Variants in SIPA1L1 observed in about 807,000 individuals in gnomAD.
The protein encoded by SIPA1L1 is signal induced proliferation associated 1 like 1.
In SIPA1L1, 26 loss-of-function variants were observed where a neutral mutation model predicts 162.7. That is an observed-to-expected ratio of 0.16 (90% CI 0.12 to 0.22). The LOEUF (loss-of-function observed/expected upper bound fraction) is 0.22, where lower values mean the gene tolerates loss of function less well. Ranked by LOEUF, SIPA1L1 falls within the 10% of genes least tolerant of loss-of-function variation. SIPA1L1 has a pLI of 1.00. For synonymous variants in SIPA1L1, 829 were observed against 837.4 expected (o/e 0.99, Z 0.17); for missense variants, 1,874 against 2,241.0 (o/e 0.84, Z 3.31).
chr14:71,730,390 G>C, intron 20 of SIPA1L1, 89 bp downstream of exon 20: 1 of 1,463,904 alleles, frequency 6.8e-7, no homozygotes, highest in East Asian at 2.3e-5. Flanking sequence ...GCTCAGAGAG[G>C]GGTCCTGTAT....
chr14:71,622,226 A>T (rs1458794267), intron 6 of SIPA1L1, among the ~76,000 whole-genome samples: 1 of 152,254 alleles, frequency 6.6e-6, no homozygotes, highest in Non-Finnish European at 1.5e-5. Context: ...ATAAATAAAC[A>T]TTGCAAAACA....
At chr14:71,357,640 C>T (rs2037401268) in intron 2 of SIPA1L1, among the ~76,000 whole-genome samples, 1 of 152,184 alleles carries the variant, frequency 6.6e-6, no homozygotes, top group African/African-American at 2.4e-5. Context: ...CCGCTCACTG[C>T]AATCTCTGCT....
intron 2 of SIPA1L1, among the ~76,000 whole-genome samples, chr14:71,417,876 T>C (rs1595359290): frequency 6.6e-6 from 1 of 152,218 alleles, no homozygotes; most frequent in African/African-American, 2.4e-5. Context: ...TCTTTGGCTG[T>C]GACTAGTTTG....
At chr14:71,607,403 C>T (rs2037654108) in intron 5 of SIPA1L1, among the ~76,000 whole-genome samples, 1 of 151,910 alleles carries the variant, frequency 6.6e-6, no homozygotes, top group Non-Finnish European at 1.5e-5. Flanking sequence ...ATTACTCTGG[C>T]CAGGGGGCAG....
In SIPA1L1 at chr14:71,588,614, A is replaced by G. The variant is rs770995187; in HGVS notation, c.742A>G (p.Ile248Val). The G allele has an allele frequency of 8.7e-6, 14 of 1,614,024 alleles. No homozygotes were observed. The highest frequency in any genetic ancestry group is 1.2e-5 in the Non-Finnish European group (14 of 1,179,946). ...PTPTKLSDFL[I>V]TGGGKGSGFS... ...TCCAACCAAGCTCAGTGACTTTCTC[A>G]TTACTGGTGGTGGCAAGGGTTCTGG... The change falls in exon 5 of 24, where the codon ATT becomes GTT. Residue 248 changes from isoleucine (I) to valine (V), a missense_variant. By Grantham distance (29) the Ile-to-Val change is conservative. Coordinates refer to ENST00000381232, the MANE Select transcript of SIPA1L1 (RefSeq NM_001386936.1). The surrounding 1 kb of genome is among the most constrained non-coding windows in gnomAD (Gnocchi z 4.3).
chr14:71,602,028 G>A (rs749386312), intron 5 of SIPA1L1, among the ~76,000 whole-genome samples: 1 of 150,500 alleles, frequency 6.6e-6, no homozygotes, highest in Non-Finnish European at 1.5e-5. Flanking sequence ...TTATTTTGTA[G>A]ATTTTTTTCT....
chr14:71,712,912 A>G (rs889766514), intron 17 of SIPA1L1, among the ~76,000 whole-genome samples: 21 of 152,076 alleles, frequency 1.4e-4, no homozygotes, highest in African/African-American at 4.3e-4. Context: ...GCCAATTACT[A>G]CCCACTTATG....
chr14:71,393,947 A>T (rs2040974900), intron 2 of SIPA1L1, among the ~76,000 whole-genome samples: 2 of 152,240 alleles, frequency 1.3e-5, no homozygotes, highest in Non-Finnish European at 2.9e-5. Flanking sequence ...TGTCTACTAG[A>T]AAGTCACTTG....
chr14:71,410,881 A>G (rs538909069), intron 2 of SIPA1L1, among the ~76,000 whole-genome samples: 2 of 152,294 alleles, frequency 1.3e-5, no homozygotes, highest in Admixed American at 1.3e-4. Context: ...ACAGAAAACC[A>G]TAGGTTAAAT....
intron 2 of SIPA1L1, among the ~76,000 whole-genome samples, chr14:71,480,390 G>A (rs2048255113): frequency 6.8e-6 from 1 of 147,544 alleles, no homozygotes; most frequent in South Asian, 2.2e-4. Flanking sequence ...TGCCCGGCCA[G>A]ACTAGTGTTT....
intron 4 of SIPA1L1, among the ~76,000 whole-genome samples, chr14:71,579,551 A>G (rs944707619): frequency 6.6e-5 from 10 of 152,198 alleles, no homozygotes; most frequent in Admixed American, 6.5e-4. Flanking sequence ...ATGCTCAGAG[A>G]TAACGGTACA....
Position 71,610,241 on chromosome 14 carries a change from A to AT in SIPA1L1, c.1499-8509dup, listed in dbSNP as rs559562430. Among the ~76,000 whole-genome samples, 5 of 152,270 alleles carry AT rather than the reference A, an allele frequency of 3.3e-5. No homozygotes were observed. The East Asian group carries it at 7.7e-4, about 23-fold the overall frequency. The stretch of plus-strand genomic sequence containing the variant: ...TAGAAGTTAGTAAAAATAAAGATGC[A>AT]TTTTTTTCAGTCAAGTTTATAGACC... On this transcript the variant is annotated intron_variant, in intron 5 of 23. Coordinates refer to ENST00000381232, the MANE Select transcript of SIPA1L1 (RefSeq NM_001386936.1).
At chr14:71,482,969 A>G (rs1182311925) in intron 2 of SIPA1L1, among the ~76,000 whole-genome samples, 1 of 152,118 alleles carries the variant, frequency 6.6e-6, no homozygotes, top group African/African-American at 2.4e-5. Flanking sequence ...CAGCCAGACA[A>G]CTTGGGTGGT....
Position 71,709,283 on chromosome 14 carries a change from C to A in SIPA1L1, c.3827C>A (p.Ala1276Asp). 5 of 1,614,178 alleles carry A rather than the reference C, an allele frequency of 3.1e-6. No homozygotes were observed. Among genetic ancestry groups the A allele is most frequent in the Non-Finnish European group, 4.2e-6 (5 of 1,180,020 alleles). Residue 1276 changes from alanine to aspartate, a missense_variant, in exon 17 of 24, where the codon GCC becomes GAC. This residue lies in a region of SIPA1L1 where 936 missense variants were observed against 1,051.9 expected (regional missense o/e 0.89). Transcript: ENST00000381232. ...SNTLSSNASS[A>D]HSDEKWYDGD... is the part of the protein sequence containing the mutation. ...ACTCTCTCCAGCAATGCGTCAAGTG[C>A]CCATAGTGATGAGAAGTGGTACGAT...
chr14:71,322,902 C>T (rs1457043440), intron 2 of SIPA1L1, among the ~76,000 whole-genome samples: 3 of 152,198 alleles, frequency 2.0e-5, no homozygotes, highest in Admixed American at 1.3e-4. Context: ...AATTGCAATT[C>T]TGGTACAGTG....
chr14:71,560,259 CAAAAGGAAATT>C (rs921367431), intron 4 of SIPA1L1, among the ~76,000 whole-genome samples: 1 of 152,182 alleles, frequency 6.6e-6, no homozygotes, highest in African/African-American at 2.4e-5. Context: ...GTAGCATAAG[CAAAAGGAAATT>C]AATTCTCCCA....
At chr14:71,643,344 G>A (rs2041891114) in intron 7 of SIPA1L1, among the ~76,000 whole-genome samples, 1 of 152,138 alleles carries the variant, frequency 6.6e-6, no homozygotes, top group Non-Finnish European at 1.5e-5. Flanking sequence ...AGAAAGCATA[G>A]CAATACAGTT....
chr14:71,478,880 A>G lies in SIPA1L1; in HGVS notation c.-464-33863A>G, dbSNP rs188737634. 2.6e-5 allele frequency among the ~76,000 whole-genome samples: 4 copies of G among 152,290 alleles called. No homozygotes were observed. The East Asian group carries it at 7.7e-4, about 29-fold the overall frequency. On this transcript the variant is annotated intron_variant, in intron 2 of 23. Coordinates refer to ENST00000381232, the MANE Select transcript of SIPA1L1 (RefSeq NM_001386936.1). ...TCAGAGAGGAAGGTTCCTTTCCCTC[A>G]GAGTATATGTGACTGTTGTCCCCGC...
intron 2 of SIPA1L1, among the ~76,000 whole-genome samples, chr14:71,479,702 C>T (rs141356061): frequency 2.0e-5 from 3 of 152,184 alleles, no homozygotes; most frequent in Admixed American, 2.0e-4. Context: ...ACCAACACAC[C>T]TGTCTAAACC....
Sources: gnomAD v4.1 joint callset for allele counts (sites outside exome capture counted in the v4.1 genomes callset) on GRCh38, gnomAD v4.1.1 for gene constraint, gnomAD v4.1.1 regional missense constraint, Gnocchi (gnomAD v3.1) non-coding constraint, MANE v1.5 for transcripts, NCBI Gene and HGNC (gene_info 2026-07-23, HGNC 2026-07-21) for gene names.